IQCH: variants seen among roughly 807,000 people sequenced by gnomAD.
The protein encoded by IQCH is IQ motif containing H.
Under a neutral mutation model 117.0 loss-of-function variants are expected in IQCH, and 98 were observed. That is an observed-to-expected ratio of 0.84 (90% CI 0.71 to 0.99). The LOEUF (loss-of-function observed/expected upper bound fraction) is 0.99. IQCH is among the 50% of genes least tolerant of loss of function. The probability of loss-of-function intolerance (pLI) is 0.00; values close to 1 mark genes in which losing one functional copy is unlikely to be tolerated. For missense variants in IQCH, 1,102 were observed against 1,243.8 expected, an observed-to-expected ratio of 0.89 and a Z score of 1.72; for synonymous variants, 412 against 448.2, an observed-to-expected ratio of 0.92 and a Z score of 1.02.
intron 4 of IQCH, among the ~76,000 whole-genome samples, chr15:67,283,318 C>T (rs977054933): frequency 1.3e-5 from 2 of 152,060 alleles, no homozygotes; most frequent in African/African-American, 2.4e-5. Flanking sequence ...AGTACAAGTA[C>T]GTATGCAGAT....
rs1362810147 is a variant in IQCH at position 67,449,085 on chromosome 15, T to C, written c.2506-16042T>C. Among the ~76,000 whole-genome samples, 3 of 151,090 alleles carry C rather than the reference T, an allele frequency of 2.0e-5. No homozygotes were observed. In the East Asian group the frequency reaches 5.8e-4, roughly 29 times the overall value. On this transcript the variant is annotated intron_variant, in intron 16 of 20. Coordinates refer to ENST00000335894, the MANE Select transcript of IQCH (RefSeq NM_001031715.3). ...TTGATGGGGTTGTTTGTTTTTTTCTTGTAAATTTGTTTGAGTTCATTGTAG... is the reference window on the plus strand; with the variant it reads ...TTGATGGGGTTGTTTGTTTTTTTCTCGTAAATTTGTTTGAGTTCATTGTAG...
rs996208413 is a variant in IQCH at position 67,381,653 on chromosome 15, G to T, written c.1373-3283G>T. On this transcript the variant is annotated intron_variant, in intron 10 of 20. Coordinates refer to ENST00000335894, the MANE Select transcript of IQCH (RefSeq NM_001031715.3). This position sits in a 1 kb window ranked among gnomAD's most constrained non-coding sequence, Gnocchi z 5.1. ...ATTTTAGAAGAGTTGAAAGAAGGGG[G>T]AGTGATCAGAACACACAGGAGAAAG... Among the ~76,000 whole-genome samples the T allele has an allele frequency of 2.0e-5, 3 of 152,086 alleles. No homozygotes were observed. Among genetic ancestry groups the T allele is most frequent in the African/African-American group, 7.2e-5 (3 of 41,432 alleles).
intron 3 of IQCH, among the ~76,000 whole-genome samples, chr15:67,263,980 T>C (rs1231471452): frequency 3.3e-5 from 5 of 152,234 alleles, no homozygotes; most frequent in Admixed American, 6.5e-5. Flanking sequence ...GTTTTATATA[T>C]GCACCCAGCA....
chr15:67,496,286 A>T lies in IQCH; in HGVS notation c.2970+1920A>T, dbSNP rs1035101903. Among the ~76,000 whole-genome samples the T allele has an allele frequency of 2.0e-5, 3 of 152,116 alleles. No homozygotes were observed. The highest frequency in any genetic ancestry group is 1.9e-4 in the East Asian group (1 of 5,182). ...GAGTCTGGGTGATGGGAGTAAGAAT[A>T]AAAAAAAGGAAGATAATGCAGAAAA... On this transcript the variant is annotated intron_variant, in intron 20 of 20. Coordinates refer to ENST00000335894, the MANE Select transcript of IQCH (RefSeq NM_001031715.3). The surrounding 1 kb of genome is among the most constrained non-coding windows in gnomAD (Gnocchi z 4.4).
chr15:67,276,125 T>A (rs552687336), intron 3 of IQCH, among the ~76,000 whole-genome samples: 6 of 152,220 alleles, frequency 3.9e-5, no homozygotes, highest in Non-Finnish European at 7.3e-5. Flanking sequence ...ATGGAAAATT[T>A]CTCAAGCATA....
rs183077568 is a variant in IQCH, at chr15:67,392,834, C to T, written c.1633-2457C>T. Among the ~76,000 whole-genome samples the T allele has an allele frequency of 2.0e-5, 3 of 149,056 alleles. No homozygotes were observed. In the East Asian group the frequency reaches 5.9e-4, roughly 29 times the overall value. ...TCAAATTATGGTAGAAAAGGCATATCGCATAGATCTAAGGAACTTGGAATA... is the reference window on the plus strand; with the variant it reads ...TCAAATTATGGTAGAAAAGGCATATTGCATAGATCTAAGGAACTTGGAATA... On this transcript the variant is annotated intron_variant, in intron 12 of 20. Transcript: ENST00000335894.
At chr15:67,399,139 A>G (rs1971561207) in intron 13 of IQCH, among the ~76,000 whole-genome samples, 2 of 152,160 alleles carry the variant, frequency 1.3e-5, no homozygotes, top group South Asian at 4.1e-4. Context: ...AGCACAGTAA[A>G]GAGGGAATGA....
intron 5 of IQCH, among the ~76,000 whole-genome samples, chr15:67,343,551 A>G (rs1308838957): frequency 1.3e-5 from 2 of 152,240 alleles, no homozygotes; most frequent in African/African-American, 4.8e-5. Flanking sequence ...AAAATAACCT[A>G]TCTGAGCATT....
chr15:67,339,542 A>G (rs995316715), intron 5 of IQCH, among the ~76,000 whole-genome samples: 1 of 152,212 alleles, frequency 6.6e-6, no homozygotes, highest in Non-Finnish European at 1.5e-5. Context: ...CATTATGATC[A>G]GTTATTTACA....
intron 16 of IQCH, among the ~76,000 whole-genome samples, chr15:67,439,888 C>CAAAAAAAAAAAAAAAAAAA (rs201813482): frequency 1.2e-5 from 1 of 83,968 alleles, no homozygotes; most frequent in Non-Finnish European, 2.8e-5. Flanking sequence ...AACTCCGTCT[C>CAAAAAAAAAAAAAAAAAAA]AAAAAAAAAA....
intron 4 of IQCH, among the ~76,000 whole-genome samples, chr15:67,333,955 G>T (rs1968780832): frequency 6.6e-6 from 1 of 152,104 alleles, no homozygotes; most frequent in African/African-American, 2.4e-5. Flanking sequence ...CTACCTGGGA[G>T]GCTGAGGTGG....
chr15:67,375,005 C>G (rs1014037657), intron 10 of IQCH, among the ~76,000 whole-genome samples: 1 of 152,194 alleles, frequency 6.6e-6, no homozygotes, highest in Non-Finnish European at 1.5e-5. Context: ...CTCCTATACT[C>G]CCACCTCTGA....
At chr15:67,397,588 A>G (rs759006415) in intron 13 of IQCH, among the ~76,000 whole-genome samples, 20 of 152,236 alleles carry the variant, frequency 1.3e-4, no homozygotes, top group Non-Finnish European at 2.8e-4. Flanking sequence ...ATGGGGATGA[A>G]TCAATAACAC....
chr15:67,275,437 C>T (rs1966083202), intron 3 of IQCH, among the ~76,000 whole-genome samples: 1 of 151,908 alleles, frequency 6.6e-6, no homozygotes, highest in Non-Finnish European at 1.5e-5. Context: ...TGGGTTATTG[C>T]TGGTAATAAT....
At position 67,388,371 on chromosome 15, in the gene IQCH, A is replaced by G. The variant is rs553514710; in HGVS notation, c.1457-460A>G. Among the ~76,000 whole-genome samples, 1 of 152,236 alleles carries G rather than the reference A, an allele frequency of 6.6e-6. No individual in the cohort carries two copies. Among genetic ancestry groups the G allele is most frequent in the Non-Finnish European group, 1.5e-5 (1 of 68,036 alleles). On this transcript the variant is annotated intron_variant, in intron 11 of 20. Transcript: ENST00000335894. The surrounding 1 kb of genome is among the most constrained non-coding windows in gnomAD (Gnocchi z 5.5). ...TAATCAGACCATTTATTTCAACAGG[A>G]CATTCCCTGAATTGACCCTGTCAAG...
At chr15:67,279,738 C>T (rs1459041925) in intron 4 of IQCH, among the ~76,000 whole-genome samples, 1 of 152,154 alleles carries the variant, frequency 6.6e-6, no homozygotes, top group Non-Finnish European at 1.5e-5. Context: ...TGCAGTGGCT[C>T]ACGCCTGTAA....
intron 16 of IQCH, among the ~76,000 whole-genome samples, chr15:67,434,785 C>CTTTTTTTTTTTT (rs775675138): frequency 1.6e-5 from 2 of 126,866 alleles, no homozygotes; most frequent in East Asian, 2.3e-4. Flanking sequence ...CTTTTCTTTT[C>CTTTTTTTTTTTT]TTTTTTTTTT....
rs1010163972 is a variant in IQCH at position 67,411,266 on chromosome 15, T to G, written c.2098-5665T>G. Among the ~76,000 whole-genome samples, 2 of 152,034 alleles carry G rather than the reference T, an allele frequency of 1.3e-5. No homozygotes were observed. The highest frequency in any genetic ancestry group is 4.8e-5 in the African/African-American group (2 of 41,384). The stretch of plus-strand genomic sequence containing the variant: ...CACTCTGAAGAGGCAGCAGGGCCGG[T>G]GGGGAGCACTTACCCAGGAGTCAGA... On this transcript the variant is annotated intron_variant, in intron 14 of 20. Coordinates refer to ENST00000335894, the MANE Select transcript of IQCH (RefSeq NM_001031715.3). This position sits in a 1 kb window ranked among gnomAD's most constrained non-coding sequence, Gnocchi z 4.4.
intron 16 of IQCH, among the ~76,000 whole-genome samples, chr15:67,461,405 G>A (rs1050081523): frequency 6.6e-6 from 1 of 152,174 alleles, no homozygotes; most frequent in Non-Finnish European, 1.5e-5. Flanking sequence ...ACCCTGCTGC[G>A]TGCCCTGCCC....
Sources: allele counts gnomAD v4.1 joint callset (sites outside exome capture counted in the v4.1 genomes callset), GRCh38; gene constraint gnomAD v4.1.1; non-coding constraint Gnocchi (gnomAD v3.1); transcripts MANE v1.5; gene names NCBI Gene and HGNC (gene_info 2026-07-23, HGNC 2026-07-21).